EXT1: variants seen among roughly 807,000 people sequenced by gnomAD.
The protein encoded by EXT1 is exostosin glycosyltransferase 1, also known as exostosin-1.
EXT1 carries 20 observed loss-of-function variants against 82.5 expected under a neutral mutation model. The ratio of observed to expected loss-of-function variants is 0.24; its 90% CI spans 0.17 to 0.35. The LOEUF (loss-of-function observed/expected upper bound fraction) is 0.35, where lower values mean the gene tolerates loss of function less well. EXT1 is among the 10% of genes least tolerant of loss of function. EXT1 has a pLI of 1.00. For synonymous variants in EXT1, 348 were observed against 350.8 expected (o/e 0.99, Z 0.09); for missense variants, 757 against 936.5 (o/e 0.81, Z 2.50).
At chr8:117,829,169 C>G (rs1008775728) in intron 4 of EXT1, among the ~76,000 whole-genome samples, 5 of 152,178 alleles carry the variant, frequency 3.3e-5, no homozygotes, top group East Asian at 3.8e-4. Flanking sequence ...GCTTGTAATG[C>G]ATGCGTGTGC....
intron 1 of EXT1, among the ~76,000 whole-genome samples, chr8:118,042,801 T>C (rs1309071134): frequency 6.6e-6 from 1 of 152,236 alleles, no homozygotes; most frequent in East Asian, 1.9e-4. Context: ...CCTTCTCACC[T>C]CTGCCCACCT....
chr8:118,033,087 C>T (rs186384818), intron 1 of EXT1, among the ~76,000 whole-genome samples: 9 of 152,184 alleles, frequency 5.9e-5, no homozygotes, highest in Non-Finnish European at 8.8e-5. Flanking sequence ...CATTGCAATG[C>T]GCTAAATATG....
chr8:117,953,566 C>A (rs1287158798), intron 1 of EXT1, among the ~76,000 whole-genome samples: 2 of 151,856 alleles, frequency 1.3e-5, no homozygotes, highest in African/African-American at 4.8e-5. Flanking sequence ...GCTTATGACT[C>A]AATGTGCCAA....
At chr8:118,038,382 C>G (rs904303814) in intron 1 of EXT1, among the ~76,000 whole-genome samples, 9 of 152,142 alleles carry the variant, frequency 5.9e-5, no homozygotes, top group South Asian at 2.1e-4. Context: ...TTGTGGAGCA[C>G]GTCTTCTGTC....
rs2129702062 is a variant in EXT1 at position 117,807,394 on chromosome 8, A to T, written c.1723-17T>A. The T allele has an allele frequency of 6.2e-7, 1 of 1,614,152 alleles. No individual in the cohort carries two copies. The highest frequency in any genetic ancestry group is 8.5e-7 in the Non-Finnish European group (1 of 1,180,022). On this transcript the variant is annotated splice_polypyrimidine_tract_variant and intron_variant, in intron 8 of 10. Coordinates refer to ENST00000378204, the MANE Select transcript of EXT1 (RefSeq NM_000127.3). ...GAAATCCACCTGCAGGCAGAACACA[A>T]GCCAAACAAGCAATCAACAGTGTTA...
intron 8 of EXT1, among the ~76,000 whole-genome samples, chr8:117,811,556 G>A (rs554170248): frequency 1.3e-5 from 2 of 152,006 alleles, no homozygotes; most frequent in East Asian, 1.9e-4. Flanking sequence ...GATTATTTAG[G>A]TTGCCCTTTG....
chr8:117,952,923 C>A (rs1028940714), intron 1 of EXT1, among the ~76,000 whole-genome samples: 7 of 152,146 alleles, frequency 4.6e-5, no homozygotes, highest in Non-Finnish European at 1.0e-4. Context: ...GGTTATTCAT[C>A]AATTGACATA....
At chr8:117,861,028 G>A (rs896458159) in intron 1 of EXT1, among the ~76,000 whole-genome samples, 1 of 152,112 alleles carries the variant, frequency 6.6e-6, no homozygotes, top group Non-Finnish European at 1.5e-5. Flanking sequence ...ATCCAAACTC[G>A]ACACAGGACA....
chr8:117,902,827 A>G (rs1813474713), intron 1 of EXT1, among the ~76,000 whole-genome samples: 1 of 152,258 alleles, frequency 6.6e-6, no homozygotes, highest in African/African-American at 2.4e-5. Flanking sequence ...ATCTTCAAAT[A>G]GAATCCTTAT....
intron 1 of EXT1, among the ~76,000 whole-genome samples, chr8:118,040,659 A>G (rs1443062277): frequency 2.0e-5 from 3 of 152,200 alleles, no homozygotes; most frequent in Non-Finnish European, 4.4e-5. Context: ...TGCAGCTTCT[A>G]TTAAAACACT....
At chr8:117,981,532 T>C (rs112258264) in intron 1 of EXT1, among the ~76,000 whole-genome samples, 24 of 152,300 alleles carry the variant, frequency 1.6e-4, no homozygotes, top group Non-Finnish European at 2.9e-4. Context: ...CTTGATCCCA[T>C]TGGTGATGTA....
At chr8:118,060,494 G>C (rs1816865186) in intron 1 of EXT1, among the ~76,000 whole-genome samples, 1 of 151,996 alleles carries the variant, frequency 6.6e-6, no homozygotes. Flanking sequence ...CATCTACCTG[G>C]GCCCTGAAAA....
intron 10 of EXT1, among the ~76,000 whole-genome samples, chr8:117,803,803 T>C (rs528798490): frequency 6.6e-6 from 1 of 152,338 alleles, no homozygotes; most frequent in African/African-American, 2.4e-5. Context: ...TTTACTTCAC[T>C]TTTATAAAAG....
chr8:118,101,074 G>A lies in EXT1; in HGVS notation c.962+9011C>T, dbSNP rs535187383. 1.6e-4 allele frequency among the ~76,000 whole-genome samples: 24 copies of A among 152,308 alleles called. 1 individual carries two copies. In the South Asian group the frequency reaches 5.0e-3, roughly 32 times the overall value. On this transcript the variant is annotated intron_variant, in intron 1 of 10. Coordinates refer to ENST00000378204, the MANE Select transcript of EXT1 (RefSeq NM_000127.3). Reference sequence around the variant, plus strand: ...AACCTCTGTTGTTGATTAGGAAATAGCAGGAAGATGAGTTTAATAATACCA... The same window carrying A: ...AACCTCTGTTGTTGATTAGGAAATAACAGGAAGATGAGTTTAATAATACCA...
chr8:118,036,884 T>C (rs1258237371), intron 1 of EXT1, among the ~76,000 whole-genome samples: 1 of 152,158 alleles, frequency 6.6e-6, no homozygotes, highest in Non-Finnish European at 1.5e-5. Context: ...TCAGGTGAAC[T>C]TTATCTTATT....
At chr8:118,035,008 T>A (rs949487533) in intron 1 of EXT1, among the ~76,000 whole-genome samples, 1 of 152,216 alleles carries the variant, frequency 6.6e-6, no homozygotes, top group Non-Finnish European at 1.5e-5. Context: ...CCATATGCAC[T>A]GGAAAATGTG....
At chr8:118,095,747 G>A (rs552705391) in intron 1 of EXT1, among the ~76,000 whole-genome samples, 5 of 152,298 alleles carry the variant, frequency 3.3e-5, no homozygotes, top group African/African-American at 1.2e-4. Flanking sequence ...TTAATCAAGT[G>A]TCATATGATT....
chr8:117,918,662 G>C (rs1813798389), intron 1 of EXT1, among the ~76,000 whole-genome samples: 1 of 152,300 alleles, frequency 6.6e-6, no homozygotes, highest in East Asian at 1.9e-4. Flanking sequence ...ACACTGTAAG[G>C]AAGTCCAGAG....
chr8:118,038,874 TC>T (rs1188509256), intron 1 of EXT1, among the ~76,000 whole-genome samples: 1 of 152,228 alleles, frequency 6.6e-6, no homozygotes, highest in Admixed American at 6.5e-5. Context: ...TGGCGTCTGT[TC>T]CTCTTTTCCT....
Sources: gnomAD v4.1 joint callset for allele counts (sites outside exome capture counted in the v4.1 genomes callset) on GRCh38, gnomAD v4.1.1 for gene constraint, MANE v1.5 for transcripts, NCBI Gene and HGNC (gene_info 2026-07-23, HGNC 2026-07-21) for gene names.